The following DNAAF5 variants were observed in gnomAD, a reference collection of about 807,000 sequenced individuals.
The protein encoded by DNAAF5 is HEAT repeat containing 2.
A neutral mutation model predicts 75.8 loss-of-function variants in DNAAF5; 64 were observed. The observed-to-expected ratio is 0.84, with a 90% CI of 0.69 to 1.04. DNAAF5 has a LOEUF of 1.04. Ranked by LOEUF, DNAAF5 falls within the 50% of genes least tolerant of loss-of-function variation. The probability of loss-of-function intolerance (pLI) is 0.00; values close to 1 mark genes in which losing one functional copy is unlikely to be tolerated. For synonymous variants in DNAAF5, 657 were observed against 557.2 expected (o/e 1.18, Z -2.52); for missense variants, 1,269 against 1,178.5 (o/e 1.08, Z -1.12).
Position 736,133 on chromosome 7 carries a change from C to T in DNAAF5, c.781-4686C>T, listed in dbSNP as rs114290003. On this transcript the variant is annotated intron_variant, in intron 2 of 12. Transcript: ENST00000297440. Reference sequence around the variant, plus strand: ...CTTGTTTCGTGGCCTAACATATGGTCTGTCCTTGAAAATGATCTGTGTGCT... The same window carrying T: ...CTTGTTTCGTGGCCTAACATATGGTTTGTCCTTGAAAATGATCTGTGTGCT... Among the ~76,000 whole-genome samples, 418 of 152,338 alleles carry T rather than the reference C, an allele frequency of 2.7e-3. 2 individuals carry two copies. Among genetic ancestry groups the T allele is most frequent in the African/African-American group, 9.3e-3 (385 of 41,580 alleles).
rs180972179 is a variant in DNAAF5, at chr7:731,432, C to T, written c.780+1585C>T. 3.9e-5 allele frequency among the ~76,000 whole-genome samples: 6 copies of T among 152,214 alleles called. No individual in the cohort carries two copies. The East Asian group carries it at 9.6e-4, about 24-fold the overall frequency. On this transcript the variant is annotated intron_variant, in intron 2 of 12. Coordinates refer to ENST00000297440, the MANE Select transcript of DNAAF5 (RefSeq NM_017802.4). ...ACGGTGTAACTCAGTATAACTATAC[C>T]GTAACTCTAAAAATACCATAACTAT...
At chr7:740,673 A>G (rs1781875641) in intron 2 of DNAAF5, 146 bp from the exon 3 acceptor site, 10 of 1,172,042 alleles carry the variant, frequency 8.5e-6, no homozygotes, top group Non-Finnish European at 1.2e-5. Context: ...TGGGGATGGC[A>G]TCTAGGCGGT....
At chr7:765,548 C>T (rs926752757) in intron 8 of DNAAF5, among the ~76,000 whole-genome samples, 2 of 152,194 alleles carry the variant, frequency 1.3e-5, no homozygotes, top group Admixed American at 1.3e-4. Flanking sequence ...TGTTCTTCCT[C>T]TTTGCAGAAG....
At chr7:763,595 T>C (rs2128080985) in intron 7 of DNAAF5, among the ~76,000 whole-genome samples, 1 of 152,332 alleles carries the variant, frequency 6.6e-6, no homozygotes, top group South Asian at 2.1e-4. Context: ...ACGGCGTTGG[T>C]GTGAACGGGA....
chr7:761,512 C>T (rs563395492), intron 6 of DNAAF5, among the ~76,000 whole-genome samples: 2 of 152,388 alleles, frequency 1.3e-5, no homozygotes, highest in South Asian at 4.1e-4. Context: ...AAAGTCACGT[C>T]TTACGTGGCG....
intron 2 of DNAAF5, among the ~76,000 whole-genome samples, chr7:738,973 C>T (rs1399901415): frequency 6.6e-6 from 1 of 152,254 alleles, no homozygotes; most frequent in East Asian, 1.9e-4. Context: ...GGCTGCCGGC[C>T]TGGGGCAGAG....
chr7:741,673 C>T (rs1781916639), intron 4 of DNAAF5, among the ~76,000 whole-genome samples: 1 of 152,198 alleles, frequency 6.6e-6, no homozygotes, highest in Non-Finnish European at 1.5e-5. Context: ...CCCCCATGTG[C>T]CTTGCAGTGA....
At position 775,159 on chromosome 7, in the gene DNAAF5, C is replaced by T. The variant is rs373188379; in HGVS notation, c.2236C>T (p.Pro746Ser). The change falls in exon 11 of 13, where the codon CCT becomes TCT. Residue 746 changes from proline to serine, a missense_variant. By Grantham distance (74) the Pro-to-Ser change is moderately conservative (BLOSUM62 -1). Transcript: ENST00000297440. Reference protein sequence around the residue: ...TDPEKLIRIYPELLKRLDDVS... With the variant: ...TDPEKLIRIYSELLKRLDDVS... The stretch of plus-strand genomic sequence containing the variant: ...TCCAGAGAAACTCATCAGGATTTAT[C>T]CTGGTAGGACATTTCTGTTGTTCAC... The T allele has an allele frequency of 4.3e-6, 7 of 1,614,038 alleles. No homozygotes were observed. The highest frequency in any genetic ancestry group is 3.3e-5 in the South Asian group (3 of 91,084).
At chr7:741,277 C>T in intron 3 of DNAAF5, 70 bp from the exon 4 acceptor site, 1 of 1,184,066 alleles carries the variant, frequency 8.4e-7, no homozygotes, top group South Asian at 1.4e-5. Flanking sequence ...GACCCGTGTC[C>T]TGGCGCAGCC....
Position 783,934 on chromosome 7 carries a change from A to G in DNAAF5, c.2432-1583A>G, listed in dbSNP as rs539878672. On this transcript the variant is annotated intron_variant, in intron 12 of 12. Transcript: ENST00000297440. ...CCCTCTCGCCTCCCCAGGACTGCAC[A>G]GGGCATCTCCCTTCCCCACTGCACG... Among the ~76,000 whole-genome samples, 187 of 151,676 alleles carry G rather than the reference A, an allele frequency of 1.2e-3. 1 individual carries two copies. The highest frequency in any genetic ancestry group is 6.8e-3 in the Middle Eastern group (2 of 292).
chr7:736,335 G>C (rs1235628799), intron 2 of DNAAF5, among the ~76,000 whole-genome samples: 1 of 152,212 alleles, frequency 6.6e-6, no homozygotes, highest in Non-Finnish European at 1.5e-5. Context: ...CTGTGTTGGA[G>C]TCTGTCTCTC....
chr7:753,310 G>A (rs368070965), intron 4 of DNAAF5, among the ~76,000 whole-genome samples: 4 of 152,296 alleles, frequency 2.6e-5, no homozygotes, highest in East Asian at 1.9e-4. Flanking sequence ...AGAAAGGAGC[G>A]GGCACAGGCG....
In DNAAF5 at chr7:732,280, A is replaced by G. The variant is rs1781611081; in HGVS notation, c.780+2433A>G. 2.0e-5 allele frequency among the ~76,000 whole-genome samples: 3 copies of G among 152,258 alleles called. No homozygotes were observed. In the South Asian group the frequency reaches 6.2e-4, roughly 32 times the overall value. On this transcript the variant is annotated intron_variant, in intron 2 of 12. Transcript: ENST00000297440. The stretch of plus-strand genomic sequence containing the variant: ...CTCACATGACTGCAGCTCCGAGCCC[A>G]GGACACTGACCACACCCAGAACCCC...
intron 6 of DNAAF5, among the ~76,000 whole-genome samples, chr7:760,108 G>A (rs1003332253): frequency 2.1e-5 from 3 of 146,140 alleles, no homozygotes; most frequent in Non-Finnish European, 4.5e-5. Context: ...ACGGGGCCGC[G>A]CGGCTCCTCC....
intron 9 of DNAAF5, chr7:772,903 C>G (rs967488445): frequency 6.6e-6 from 1 of 151,838 alleles, no homozygotes; most frequent in African/African-American, 2.4e-5. Flanking sequence ...GATCAATGCC[C>G]AGAAGTTCTG....
chr7:773,980 CT>C lies in DNAAF5; in HGVS notation c.1932-67del. On this transcript the variant is annotated intron_variant, in intron 9 of 12. Coordinates refer to ENST00000297440, the MANE Select transcript of DNAAF5 (RefSeq NM_017802.4). ...GCTCCCCCCTCAGCCCCATTCATCC[CT>C]AGTCTGAAACGTTTCTTCCGAGCAC... The C allele has an allele frequency of 3.2e-6, 5 of 1,582,142 alleles. No individual in the cohort carries two copies. In the South Asian group the frequency reaches 3.3e-5, roughly 11 times the overall value.
At chr7:778,135 TTA>T (rs764445450) in intron 11 of DNAAF5, 5 of 152,214 alleles carry the variant, frequency 3.3e-5, no homozygotes, top group Non-Finnish European at 7.3e-5. Context: ...TTTTTATTCT[TTA>T]GTAACAAACA....
chr7:771,644 G>C (rs1474926553), intron 9 of DNAAF5: 2 of 152,272 alleles, frequency 1.3e-5, no homozygotes, highest in Non-Finnish European at 2.9e-5. Flanking sequence ...ACCATAGAAA[G>C]ATATGAACCG....
At chr7:762,077 A>G (rs1391821176) in intron 7 of DNAAF5, among the ~76,000 whole-genome samples, 181 bp downstream of exon 7, 4 of 152,194 alleles carry the variant, frequency 2.6e-5, no homozygotes, top group South Asian at 2.1e-4. Flanking sequence ...TCCAGCTGCC[A>G]GTGTATTCTG....
Sources: allele counts gnomAD v4.1 joint callset (sites outside exome capture counted in the v4.1 genomes callset), GRCh38; gene constraint gnomAD v4.1.1; transcripts MANE v1.5; gene names NCBI Gene and HGNC (gene_info 2026-07-23, HGNC 2026-07-21).